TGFBR1: variants seen among roughly 807,000 people sequenced by gnomAD.
TGFBR1 encodes the protein transforming growth factor beta receptor 1.
A neutral mutation model predicts 55.1 loss-of-function variants in TGFBR1; 20 were observed. That is an observed-to-expected ratio of 0.36 (90% CI 0.26 to 0.53). The LOEUF is 0.53. Among genes scored for constraint, TGFBR1 ranks in the 20% least tolerant of loss-of-function variants. The pLI is 0.91. For missense variants in TGFBR1, 385 were observed against 617.6 expected (o/e 0.62, Z 3.99); for synonymous variants, 220 against 214.8 (o/e 1.02, Z -0.21).
intron 1 of TGFBR1, among the ~76,000 whole-genome samples, chr9:99,121,843 A>T (rs1051537145): frequency 6.6e-6 from 1 of 152,002 alleles, no homozygotes; most frequent in South Asian, 2.1e-4. Flanking sequence ...GGATTACAAC[A>T]CTCTGCTTGA....
chr9:99,142,215 G>A (rs904573370), intron 4 of TGFBR1, among the ~76,000 whole-genome samples: 1 of 152,034 alleles, frequency 6.6e-6, no homozygotes, highest in African/African-American at 2.4e-5. Context: ...CCGACCCAGA[G>A]ATTTTTCTAG....
chr9:99,134,241 C>T (rs1827350542), intron 3 of TGFBR1, among the ~76,000 whole-genome samples: 1 of 152,120 alleles, frequency 6.6e-6, no homozygotes, highest in South Asian at 2.1e-4. Context: ...AATTATTCTT[C>T]TATAGAATTT....
In TGFBR1 at chr9:99,146,507, G is replaced by A. The variant is rs1452014590; in HGVS notation, c.1153G>A (p.Asp385Asn). The stretch of plus-strand genomic sequence containing the variant: ...TAGGTACATGGCCCCTGAAGTTCTC[G>A]ATGATTCCATAAATATGAAACATTT... The part of the protein sequence containing the change: ...TKRYMAPEVL[D>N]DSINMKHFES... Residue 385 changes from aspartate (D) to asparagine (N), a missense_variant, in exon 7 of 9, where the codon GAT becomes AAT. Coordinates refer to ENST00000374994, the MANE Select transcript of TGFBR1 (RefSeq NM_004612.4). 3 of 1,613,794 alleles carry A rather than the reference G, an allele frequency of 1.9e-6. No homozygotes were observed. The highest frequency in any genetic ancestry group is 1.7e-5 in the Admixed American group (1 of 60,006).
chr9:99,132,821 A>G (rs1827286889), intron 3 of TGFBR1, 82 bp downstream of exon 3: 2 of 1,545,808 alleles, frequency 1.3e-6, no homozygotes, highest in Non-Finnish European at 1.8e-6. Flanking sequence ...CTAATAAGCC[A>G]ACTTGCTAGA....
intron 8 of TGFBR1, among the ~76,000 whole-genome samples, chr9:99,148,838 A>G (rs1396345189): frequency 1.3e-5 from 2 of 148,336 alleles, no homozygotes; most frequent in Non-Finnish European, 3.0e-5. Flanking sequence ...TCTCAAAAAA[A>G]AAAAAAAGAA....
At chr9:99,117,404 T>G (rs1826778097) in intron 1 of TGFBR1, among the ~76,000 whole-genome samples, 1 of 152,108 alleles carries the variant, frequency 6.6e-6, no homozygotes, top group East Asian at 1.9e-4. Context: ...GGCCTTCAAT[T>G]TTTTGCTTTA....
chr9:99,135,043 T>C (rs535424537), intron 3 of TGFBR1, among the ~76,000 whole-genome samples: 1 of 151,890 alleles, frequency 6.6e-6, no homozygotes, highest in Non-Finnish European at 1.5e-5. Context: ...CATCATTGGA[T>C]TGTTGTGAGT....
chr9:99,129,717 TG>T (rs11568761), intron 2 of TGFBR1, among the ~76,000 whole-genome samples: 201 of 152,208 alleles, frequency 1.3e-3, no homozygotes, highest in African/African-American at 4.7e-3. Flanking sequence ...CTGGCCAACA[TG>T]GCAAAACCCT....
intron 1 of TGFBR1, among the ~76,000 whole-genome samples, chr9:99,117,109 C>T (rs866699297): frequency 9.9e-5 from 15 of 152,094 alleles, no homozygotes; most frequent in African/African-American, 1.9e-4. Flanking sequence ...TCAGATGAGA[C>T]GGAGTCTCAC....
At position 99,124,691 on chromosome 9, in the gene TGFBR1, C is replaced by G. The variant is rs1007907137; in HGVS notation, c.98-4164C>G. Among the ~76,000 whole-genome samples the G allele has an allele frequency of 3.9e-5, 6 of 152,148 alleles. No homozygotes were observed. In the East Asian group the frequency reaches 7.7e-4, roughly 20 times the overall value. On this transcript the variant is annotated intron_variant, in intron 1 of 8. Transcript: ENST00000374994. ...ACATAACAGCAGTCTTGTAGTCAAT[C>G]AAGACTGACTTCAAGTGGTGAAATG...
At chr9:99,130,629 A>G (rs1353664628) in intron 2 of TGFBR1, among the ~76,000 whole-genome samples, 1 of 152,238 alleles carries the variant, frequency 6.6e-6, no homozygotes, top group East Asian at 1.9e-4. Context: ...TTTCTAATGA[A>G]CATATATAAA....
intron 1 of TGFBR1, among the ~76,000 whole-genome samples, chr9:99,113,907 T>C (rs149671668): frequency 4.8e-4 from 73 of 152,332 alleles, no homozygotes; most frequent in African/African-American, 1.6e-3. Flanking sequence ...GATAACCTTC[T>C]GTCTGAGAAA....
At chr9:99,115,554 T>G (rs899843002) in intron 1 of TGFBR1, among the ~76,000 whole-genome samples, 1 of 152,150 alleles carries the variant, frequency 6.6e-6, no homozygotes, top group African/African-American at 2.4e-5. Flanking sequence ...CATACAGAGA[T>G]AGAAAAGCAG....
At chr9:99,148,652 G>A (rs542922476) in intron 8 of TGFBR1, among the ~76,000 whole-genome samples, 2 of 152,216 alleles carry the variant, frequency 1.3e-5, no homozygotes, top group South Asian at 4.2e-4. Flanking sequence ...GCATGCTTAA[G>A]GAATTTGCAT....
intron 3 of TGFBR1, among the ~76,000 whole-genome samples, chr9:99,134,802 T>TTTTATATATATATATATATATA (rs1554700023): frequency 1.5e-4 from 6 of 41,370 alleles, no homozygotes; most frequent in South Asian, 8.3e-4. Flanking sequence ...TCTGTTTCCA[T>TTTTATATATATATATATATATA]TATATATATA....
At chr9:99,143,125 A>G (rs1221147798) in intron 5 of TGFBR1, among the ~76,000 whole-genome samples, 1 of 152,226 alleles carries the variant, frequency 6.6e-6, no homozygotes, top group Non-Finnish European at 1.5e-5. Context: ...AATTTTTTAG[A>G]TGAGAACATT....
rs917164422 is a variant in TGFBR1, at chr9:99,154,191, A to G, written c.*4886A>G. 1.4e-5 allele frequency: 3 copies of G among 217,602 alleles called. No individual in the cohort carries two copies. Among genetic ancestry groups the G allele is most frequent in the African/African-American group, 6.7e-5 (3 of 44,458 alleles). 13.5% of individuals were successfully genotyped at this position (217,602 alleles called of 1,614,324 possible). On this transcript the variant is annotated 3_prime_UTR_variant, in exon 9 of 9. Transcript: ENST00000374994. Reference sequence around the variant, plus strand: ...GTGAAATTAAAGACATTCCCAGACAAATACTAAGACAATTTGTTGCCTATG... The same window carrying G: ...GTGAAATTAAAGACATTCCCAGACAGATACTAAGACAATTTGTTGCCTATG...
At chr9:99,136,244 A>C (rs1209505204) in intron 3 of TGFBR1, among the ~76,000 whole-genome samples, 2 of 152,162 alleles carry the variant, frequency 1.3e-5, no homozygotes, top group African/African-American at 4.8e-5. Flanking sequence ...TTTTAATTTT[A>C]ATTGACATCT....
intron 4 of TGFBR1, among the ~76,000 whole-genome samples, chr9:99,141,877 A>C (rs1827625602): frequency 6.6e-6 from 1 of 152,228 alleles, no homozygotes. Flanking sequence ...GTTTGAGTTT[A>C]GTCCCAGCTT....
Sources: gnomAD v4.1 joint callset for allele counts (sites outside exome capture counted in the v4.1 genomes callset) on GRCh38, gnomAD v4.1.1 for gene constraint, MANE v1.5 for transcripts, NCBI Gene and HGNC (gene_info 2026-07-23, HGNC 2026-07-21) for gene names.